Variants in EXD2 observed in about 807,000 individuals in gnomAD.
EXD2 encodes the protein exonuclease 3'-5' domain-containing protein 2.
Under a neutral mutation model 62.5 loss-of-function variants are expected in EXD2, and 40 were observed. The observed-to-expected ratio is 0.64, with a 90% confidence interval of 0.50 to 0.83. The LOEUF (loss-of-function observed/expected upper bound fraction) is 0.83. EXD2 is among the 40% of genes least tolerant of loss of function. The pLI is 0.00. For synonymous variants in EXD2, 239 were observed against 291.9 expected, an observed-to-expected ratio of 0.82 and a Z score of 1.85; for missense variants, 671 against 761.8, an observed-to-expected ratio of 0.88 and a Z score of 1.40.
At chr14:69,195,766 ATG>A (rs2042184534) in intron 1 of EXD2, among the ~76,000 whole-genome samples, 1 of 152,160 alleles carries the variant, frequency 6.6e-6, no homozygotes. Flanking sequence ...GAATCATACA[ATG>A]TGTAGTCTTT....
intron 3 of EXD2, among the ~76,000 whole-genome samples, chr14:69,215,976 C>G (rs1227363514): frequency 6.6e-6 from 1 of 152,112 alleles, no homozygotes; most frequent in Non-Finnish European, 1.5e-5. Flanking sequence ...TTTTGATAAA[C>G]AGAAGATCTG....
chr14:69,197,622 C>T lies in EXD2; in HGVS notation c.-132+6031C>T, dbSNP rs189297315. ...GGTAGTCCCCAGTGTCTGTTGTTCC[C>T]GTCTTTATGTCCATGTGTACTGGGT... On this transcript the variant is annotated intron_variant, in intron 1 of 9. Transcript: ENST00000685843. Among the ~76,000 whole-genome samples, 52 of 152,016 alleles carry T rather than the reference C, an allele frequency of 3.4e-4. No homozygotes were observed. The East Asian group carries it at 6.0e-3, about 18-fold the overall frequency.
At chr14:69,215,326 GTGTGTGTA>G (rs2042955033) in intron 3 of EXD2, among the ~76,000 whole-genome samples, 1 of 149,396 alleles carries the variant, frequency 6.7e-6, no homozygotes, top group Admixed American at 6.8e-5. Flanking sequence ...GTGTGTGTGT[GTGTGTGTA>G]TAATACAATA....
At position 69,241,063 on chromosome 14, in the gene EXD2, G is replaced by T. The variant is rs370055833; in HGVS notation, c.1829G>T (p.Arg610Leu). The change falls in exon 10 of 10, where the codon CGG (arginine) becomes CTG (leucine). Residue 610 changes from arginine to leucine, a missense_variant. Transcript: ENST00000685843. ...GACCACAACCATCAGAAGCTGCTCCGGAAATTCGGGGAAGATCTTCCCATC... is the reference window on the plus strand; with the variant it reads ...GACCACAACCATCAGAAGCTGCTCCTGAAATTCGGGGAAGATCTTCCCATC... ...SVDHNHQKLL[R>L]KFGEDLPIQL... is the part of the protein sequence containing the mutation. 1 of 1,612,602 alleles carries T rather than the reference G, an allele frequency of 6.2e-7. No individual in the cohort carries two copies. The highest frequency in any genetic ancestry group is 8.5e-7 in the Non-Finnish European group (1 of 1,180,022).
chr14:69,218,066 A>G (rs868761345), intron 3 of EXD2, among the ~76,000 whole-genome samples: 2 of 152,170 alleles, frequency 1.3e-5, no homozygotes, highest in African/African-American at 4.8e-5. Context: ...GGGATGGCTG[A>G]GTCAAATGGT....
intron 3 of EXD2, among the ~76,000 whole-genome samples, chr14:69,212,105 G>A (rs1594746884): frequency 6.6e-6 from 1 of 152,328 alleles, no homozygotes; most frequent in East Asian, 1.9e-4. Flanking sequence ...GCTGGGCGCG[G>A]TAGCCCACGC....
Position 69,209,571 on chromosome 14 carries a change from G to C in EXD2, c.101G>C (p.Ser34Thr). The C allele has an allele frequency of 6.4e-7, 1 of 1,550,582 alleles. No homozygotes were observed. Among genetic ancestry groups the C allele is most frequent in the Non-Finnish European group, 8.7e-7 (1 of 1,146,990 alleles). Residue 34 changes from serine (S) to threonine (T), a missense_variant, in exon 3 of 10, where the codon AGT (serine) becomes ACT (threonine). Coordinates refer to ENST00000685843, the MANE Select transcript of EXD2 (RefSeq NM_001193360.2). ...AAAGGCATCCAGCGCCGCCGAAGGA[G>C]TAAAACGAGTCCTGTGACCCAACAG... The part of the protein sequence containing the change: ...LWKGIQRRRR[S>T]KTSPVTQQPQ...
intron 2 of EXD2, 97 bp from the exon 3 acceptor site, chr14:69,209,327 C>T (rs1230706135): frequency 1.6e-5 from 9 of 565,908 alleles, no homozygotes; most frequent in South Asian, 3.8e-5. Context: ...AGTTTGTGGG[C>T]ACAGAGATTA....
At chr14:69,234,024 C>T (rs942607982) in intron 5 of EXD2, among the ~76,000 whole-genome samples, 13 of 152,074 alleles carry the variant, frequency 8.5e-5, no homozygotes, top group African/African-American at 3.1e-4. Context: ...GCCTTGGCCT[C>T]CTAAAGTGCT....
intron 5 of EXD2, among the ~76,000 whole-genome samples, chr14:69,232,975 C>T (rs1449475494): frequency 6.6e-6 from 1 of 152,162 alleles, no homozygotes; most frequent in African/African-American, 2.4e-5. Flanking sequence ...TGATGATTGG[C>T]TCCTATATTT....
intron 5 of EXD2, among the ~76,000 whole-genome samples, chr14:69,233,542 C>T (rs1182865702): frequency 2.0e-5 from 3 of 151,460 alleles, no homozygotes; most frequent in Admixed American, 6.6e-5. Context: ...CAGGTTCAAG[C>T]GATTCTCCTG....
At chr14:69,218,290 G>A (rs1311315229) in intron 3 of EXD2, among the ~76,000 whole-genome samples, 2 of 152,198 alleles carry the variant, frequency 1.3e-5, no homozygotes, top group Non-Finnish European at 2.9e-5. Flanking sequence ...GGCCCGTGAT[G>A]ATGAACATTT....
chr14:69,220,670 ACCAGC>A (rs1478217304), intron 3 of EXD2, among the ~76,000 whole-genome samples: 12 of 149,494 alleles, frequency 8.0e-5, no homozygotes, highest in Non-Finnish European at 1.0e-4. Flanking sequence ...GGAGTTCGAG[ACCAGC>A]CTGGCCAACA....
At chr14:69,217,083 C>T (rs974224141) in intron 3 of EXD2, among the ~76,000 whole-genome samples, 4 of 152,118 alleles carry the variant, frequency 2.6e-5, no homozygotes, top group Non-Finnish European at 4.4e-5. Flanking sequence ...GACATGTTCT[C>T]GCTCTGTTAC....
chr14:69,208,405 T>C (rs560722037), intron 2 of EXD2, among the ~76,000 whole-genome samples: 24 of 151,688 alleles, frequency 1.6e-4, no homozygotes, highest in African/African-American at 5.8e-4. Context: ...AGAGACGGGG[T>C]TTCACTGTGT....
chr14:69,202,596 T>C (rs538137624), intron 1 of EXD2, among the ~76,000 whole-genome samples: 1 of 152,262 alleles, frequency 6.6e-6, no homozygotes, highest in Admixed American at 6.5e-5. Context: ...ATATAATGTG[T>C]TGTGTAAAAA....
At chr14:69,194,433 C>T (rs1022494234) in intron 1 of EXD2, among the ~76,000 whole-genome samples, 3 of 152,078 alleles carry the variant, frequency 2.0e-5, no homozygotes, top group East Asian at 1.9e-4. Flanking sequence ...CCACCGCGCC[C>T]GGCCTAGTCA....
intron 1 of EXD2, among the ~76,000 whole-genome samples, chr14:69,198,638 A>G (rs549208447): frequency 6.6e-6 from 1 of 152,330 alleles, no homozygotes; most frequent in South Asian, 2.1e-4. Flanking sequence ...GTGAGCCCCA[A>G]TTTAAAATTT....
intron 3 of EXD2, among the ~76,000 whole-genome samples, chr14:69,227,483 G>GT (rs1352902833): frequency 6.6e-6 from 1 of 152,152 alleles, no homozygotes; most frequent in African/African-American, 2.4e-5. Flanking sequence ...TGTGAGTTTT[G>GT]TATGTACATT....
Sources: gnomAD v4.1 joint callset for allele counts (sites outside exome capture counted in the v4.1 genomes callset) on GRCh38, gnomAD v4.1.1 for gene constraint, MANE v1.5 for transcripts, NCBI Gene and HGNC (gene_info 2026-07-23, HGNC 2026-07-21) for gene names.